Variants in DCLK1 observed in about 807,000 individuals in gnomAD.
The protein encoded by DCLK1 is doublecortin like kinase 1, also known as serine/threonine-protein kinase DCLK1.
DCLK1 carries 16 observed loss-of-function variants against 86.2 expected under a neutral mutation model. That is an observed-to-expected ratio of 0.19 (90% CI 0.13 to 0.28). The LOEUF is 0.28. Among genes scored for constraint, DCLK1 ranks in the 10% least tolerant of loss-of-function variants. The pLI is 1.00. For synonymous variants in DCLK1, 369 were observed against 370.5 expected (o/e 1.00, Z 0.05); for missense variants, 590 against 940.2 (o/e 0.63, Z 4.87).
intron 3 of DCLK1, among the ~76,000 whole-genome samples, chr13:36,005,199 T>G (rs1340508102): frequency 6.6e-6 from 1 of 152,172 alleles, no homozygotes; most frequent in East Asian, 1.9e-4. Context: ...AATAAGAAGT[T>G]TGAGTGCTAG....
At chr13:35,824,727 G>A (rs2087480391) in intron 10 of DCLK1, among the ~76,000 whole-genome samples, 1 of 152,044 alleles carries the variant, frequency 6.6e-6, no homozygotes, top group Admixed American at 6.5e-5. Flanking sequence ...CTCTCTTCAA[G>A]AAATCACCAT....
chr13:36,003,167 G>C (rs1490948725), intron 3 of DCLK1, among the ~76,000 whole-genome samples: 1 of 152,212 alleles, frequency 6.6e-6, no homozygotes, highest in East Asian at 1.9e-4. Context: ...ATGTGATTTT[G>C]GTGGGTGTGA....
intron 3 of DCLK1, among the ~76,000 whole-genome samples, chr13:36,013,979 G>A (rs1057118598): frequency 3.9e-5 from 6 of 152,036 alleles, no homozygotes; most frequent in East Asian, 1.9e-4. Context: ...CGCCAGGTGC[G>A]TCCGTCACCC....
At chr13:36,029,134 C>T (rs1262364103) in intron 3 of DCLK1, among the ~76,000 whole-genome samples, 3 of 152,134 alleles carry the variant, frequency 2.0e-5, no homozygotes, top group East Asian at 1.9e-4. Flanking sequence ...CATTCTTGTG[C>T]GAGATTCAAG....
At chr13:36,110,387 G>A (rs538933891) in intron 3 of DCLK1, among the ~76,000 whole-genome samples, 2 of 152,122 alleles carry the variant, frequency 1.3e-5, no homozygotes, top group South Asian at 2.1e-4. Flanking sequence ...ATCCTTATCC[G>A]CATATTACTT....
chr13:35,839,989 T>C (rs781688489), intron 6 of DCLK1, among the ~76,000 whole-genome samples: 1 of 152,242 alleles, frequency 6.6e-6, no homozygotes, highest in African/African-American at 2.4e-5. Context: ...TTCTAAATAG[T>C]GAACACAGCT....
chr13:35,890,380 T>C (rs1873569855), intron 4 of DCLK1, among the ~76,000 whole-genome samples: 1 of 152,208 alleles, frequency 6.6e-6, no homozygotes, highest in Non-Finnish European at 1.5e-5. Context: ...CTTAACAATC[T>C]ATATTTGACA....
chr13:35,999,179 C>T (rs1260136727), intron 3 of DCLK1, among the ~76,000 whole-genome samples: 3 of 152,030 alleles, frequency 2.0e-5, no homozygotes, highest in East Asian at 3.9e-4. Flanking sequence ...CACTTGAACC[C>T]AGGAGGCAGA....
intron 3 of DCLK1, among the ~76,000 whole-genome samples, chr13:36,080,196 G>C (rs1884370749): frequency 6.6e-6 from 1 of 152,176 alleles, no homozygotes; most frequent in Admixed American, 6.5e-5. Context: ...TAATGAAGAA[G>C]GAAGGTGAGA....
chr13:36,033,739 A>G (rs1882378859), intron 3 of DCLK1, among the ~76,000 whole-genome samples: 1 of 152,166 alleles, frequency 6.6e-6, no homozygotes, highest in Admixed American at 6.5e-5. Context: ...CAACCTGACC[A>G]ACATGGAGAA....
intron 4 of DCLK1, among the ~76,000 whole-genome samples, chr13:35,903,377 C>A (rs946891564): frequency 6.6e-6 from 1 of 152,196 alleles, no homozygotes; most frequent in Admixed American, 6.5e-5. Flanking sequence ...AGTTTTCTAA[C>A]CTCAGAACAG....
chr13:35,878,756 TAA>T (rs1166886642), intron 4 of DCLK1, among the ~76,000 whole-genome samples: 1 of 152,004 alleles, frequency 6.6e-6, no homozygotes, highest in Non-Finnish European at 1.5e-5. Flanking sequence ...ATGTACTCCA[TAA>T]ATACATACAC....
intron 3 of DCLK1, among the ~76,000 whole-genome samples, chr13:36,084,360 TGA>T (rs1884524527): frequency 6.6e-6 from 1 of 152,198 alleles, no homozygotes; most frequent in South Asian, 2.1e-4. Flanking sequence ...TTCAAATGAC[TGA>T]CGTACAATCA....
chr13:35,996,572 C>G (rs1023223894), intron 3 of DCLK1, among the ~76,000 whole-genome samples: 1 of 152,196 alleles, frequency 6.6e-6, no homozygotes. Context: ...CCTCCACAAG[C>G]AGGAGGCCAT....
intron 5 of DCLK1, among the ~76,000 whole-genome samples, chr13:35,862,215 G>A (rs1871452266): frequency 7.1e-6 from 1 of 141,842 alleles, no homozygotes; most frequent in Non-Finnish European, 1.6e-5. Context: ...TCCTGACTTA[G>A]AACAGTTATT....
intron 1 of DCLK1, among the ~76,000 whole-genome samples, chr13:36,128,060 A>G (rs1362162667): frequency 6.6e-6 from 1 of 152,196 alleles, no homozygotes; most frequent in African/African-American, 2.4e-5. Flanking sequence ...TCACCAATGC[A>G]CCACTGTCTC....
intron 4 of DCLK1, among the ~76,000 whole-genome samples, chr13:35,899,233 CA>C (rs1312869317): frequency 1.3e-5 from 2 of 152,000 alleles, no homozygotes; most frequent in Non-Finnish European, 2.9e-5. Context: ...TCATTGATCC[CA>C]ATCATCTCCT....
intron 16 of DCLK1, among the ~76,000 whole-genome samples, chr13:35,781,646 C>G (rs985451535): frequency 1.3e-5 from 2 of 151,954 alleles, no homozygotes; most frequent in African/African-American, 2.4e-5. Flanking sequence ...TTTTGCTTTT[C>G]TTAATTTATT....
chr13:35,882,544 C>T (rs1566584328), intron 4 of DCLK1, among the ~76,000 whole-genome samples: 1 of 152,158 alleles, frequency 6.6e-6, no homozygotes, highest in African/African-American at 2.4e-5. Context: ...TGTTGCTCTT[C>T]GAGAATATCC....
Sources: gnomAD v4.1 joint callset for allele counts (sites outside exome capture counted in the v4.1 genomes callset) on GRCh38, gnomAD v4.1.1 for gene constraint, MANE v1.5 for transcripts, NCBI Gene and HGNC (gene_info 2026-07-23, HGNC 2026-07-21) for gene names.